Variants in ABCA1 observed in about 807,000 individuals in gnomAD.
ABCA1 encodes phospholipid-transporting ATPase ABCA1.
A neutral mutation model predicts 262.5 loss-of-function variants in ABCA1; 133 were observed. The ratio of observed to expected loss-of-function variants is 0.51; its 90% CI spans 0.44 to 0.59. ABCA1 has a LOEUF of 0.59. ABCA1 is among the 20% of genes least tolerant of loss of function. ABCA1 has a pLI of 0.00. For missense variants in ABCA1, 2,452 were observed against 2,777.5 expected (o/e 0.88, Z 2.63); for synonymous variants, 1,022 against 1,043.5 (o/e 0.98, Z 0.40).
chr9:104,896,709 A>ATTTTTTT (rs1564270342), intron 2 of ABCA1, among the ~76,000 whole-genome samples: 8 of 78,292 alleles, frequency 1.0e-4, no homozygotes, highest in African/African-American at 3.8e-4. Flanking sequence ...CTCCCTACAC[A>ATTTTTTT]TCTTTTTTTT....
Position 104,914,575 on chromosome 9 carries a change from A to C in ABCA1, c.-92-10804T>G, listed in dbSNP as rs574421123. 8.0e-4 allele frequency among the ~76,000 whole-genome samples: 121 copies of C among 151,952 alleles called. 1 individual carries two copies. Among genetic ancestry groups the C allele is most frequent in the African/African-American group, 2.7e-3 (112 of 41,452 alleles). ...TTCAGCTCTACCTACAATCTTCTCT[A>C]GTGTACTAACTCATCAGTGATCCCT... On this transcript the variant is annotated intron_variant, in intron 1 of 49. Coordinates refer to ENST00000374736, the MANE Select transcript of ABCA1 (RefSeq NM_005502.4).
chr9:104,809,591 T>C (rs1268111478), intron 29 of ABCA1, 27 bp from the exon 30 acceptor site: 1 of 1,580,252 alleles, frequency 6.3e-7, no homozygotes, highest in African/African-American at 1.3e-5. Context: ...GGCAGCCAGC[T>C]TAGTAATTCA....
At chr9:104,904,050 T>A (rs1420683207) in intron 1 of ABCA1, among the ~76,000 whole-genome samples, 1 of 152,206 alleles carries the variant, frequency 6.6e-6, no homozygotes, top group East Asian at 1.9e-4. Flanking sequence ...AAGAATGCAT[T>A]TCTGAAAATA....
intron 1 of ABCA1, among the ~76,000 whole-genome samples, chr9:104,926,473 A>C (rs552304157): frequency 5.6e-4 from 84 of 148,816 alleles, no homozygotes; most frequent in Middle Eastern, 6.8e-3. Flanking sequence ...AAAAAAACAA[A>C]AAAAAAAAAA....
intron 1 of ABCA1, among the ~76,000 whole-genome samples, chr9:104,917,354 G>A (rs1334499057): frequency 2.0e-5 from 3 of 152,182 alleles, no homozygotes; most frequent in Admixed American, 6.5e-5. Flanking sequence ...GATATTCAGA[G>A]GATTTTAGGA....
At chr9:104,867,187 AAG>A (rs1837171158) in intron 5 of ABCA1, among the ~76,000 whole-genome samples, 1 of 152,196 alleles carries the variant, frequency 6.6e-6, no homozygotes, top group South Asian at 2.1e-4. Context: ...AGCCCAGATC[AAG>A]AGGAGAGTCA....
intron 1 of ABCA1, among the ~76,000 whole-genome samples, chr9:104,927,293 T>C (rs1368305513): frequency 6.6e-6 from 1 of 151,788 alleles, no homozygotes; most frequent in South Asian, 2.1e-4. Flanking sequence ...GCACGGAGAC[T>C]GTAGGCAGGA....
chr9:104,830,819 C>T, intron 14 of ABCA1, 106 bp downstream of exon 14: 1 of 1,327,078 alleles, frequency 7.5e-7, no homozygotes, highest in African/African-American at 1.5e-5. Flanking sequence ...CATCTGGCAT[C>T]TTATTTCCAG....
chr9:104,908,562 G>A (rs1035034183), intron 1 of ABCA1, among the ~76,000 whole-genome samples: 1 of 152,164 alleles, frequency 6.6e-6, no homozygotes, highest in East Asian at 1.9e-4. Flanking sequence ...AGCTACTCAG[G>A]AGGCAGGAGA....
At chr9:104,837,761 G>A (rs1833953146) in intron 9 of ABCA1, among the ~76,000 whole-genome samples, 194 bp from the exon 10 acceptor site, 1 of 152,196 alleles carries the variant, frequency 6.6e-6, no homozygotes, top group Non-Finnish European at 1.5e-5. Flanking sequence ...GTGGAGAGAT[G>A]TGGAGAAGAT....
intron 5 of ABCA1, among the ~76,000 whole-genome samples, chr9:104,865,515 CAAAA>C (rs925876847): frequency 6.0e-5 from 4 of 66,954 alleles, no homozygotes; most frequent in Admixed American, 1.7e-4. Context: ...GACTCTGTCT[CAAAA>C]AAAAAAAAAA....
chr9:104,816,614 AATGGGAGG>A (rs1268478992), intron 24 of ABCA1, among the ~76,000 whole-genome samples: 14 of 108,312 alleles, frequency 1.3e-4, no homozygotes, highest in Non-Finnish European at 5.4e-5. Context: ...TGGATGGGTG[AATGGGAGG>A]ATGGGAGGAT....
At chr9:104,862,639 C>CG (rs1379099383) in intron 5 of ABCA1, among the ~76,000 whole-genome samples, 1 of 5,384 alleles carries the variant, frequency 1.9e-4, no homozygotes, top group Non-Finnish European at 4.6e-4. Context: ...ACTGCCGGGC[C>CG]GGGCCGGGCC....
chr9:104,837,117 A>G (rs1357985924), intron 10 of ABCA1, 21 bp from the exon 11 acceptor site: 1 of 1,582,756 alleles, frequency 6.3e-7, no homozygotes, highest in East Asian at 2.2e-5. Context: ...GTGGGGAGCC[A>G]GGGACCGCAG....
chr9:104,795,260 A>G (rs760939627), intron 39 of ABCA1, among the ~76,000 whole-genome samples: 1 of 152,206 alleles, frequency 6.6e-6, no homozygotes, highest in Non-Finnish European at 1.5e-5. Flanking sequence ...TGGTGGTTGG[A>G]GGCAACTCAT....
intron 5 of ABCA1, 118 bp downstream of exon 5, chr9:104,882,921 A>G: frequency 9.5e-7 from 1 of 1,057,344 alleles, no homozygotes; most frequent in Non-Finnish European, 1.5e-6. Flanking sequence ...GCCACCAAGG[A>G]GAAAAACCCC....
intron 25 of ABCA1, 80 bp downstream of exon 25, chr9:104,816,063 T>C (rs1367315353): frequency 7.5e-6 from 11 of 1,465,012 alleles, no homozygotes; most frequent in Non-Finnish European, 9.6e-6. Context: ...ATGATAATCC[T>C]GCTCCCAATG....
intron 1 of ABCA1, among the ~76,000 whole-genome samples, chr9:104,908,727 A>T (rs1328517842): frequency 6.6e-6 from 1 of 152,248 alleles, no homozygotes; most frequent in African/African-American, 2.4e-5. Flanking sequence ...CTACTGTTAC[A>T]TGCGACAACC....
At chr9:104,862,943 C>T (rs1836768414) in intron 5 of ABCA1, among the ~76,000 whole-genome samples, 1 of 151,266 alleles carries the variant, frequency 6.6e-6, no homozygotes, top group African/African-American at 2.4e-5. Context: ...CTCCAAAACC[C>T]AGGTCTGCCA....
Sources: gnomAD v4.1 joint callset for allele counts (sites outside exome capture counted in the v4.1 genomes callset) on GRCh38, gnomAD v4.1.1 for gene constraint, MANE v1.5 for transcripts, NCBI Gene and HGNC (gene_info 2026-07-23, HGNC 2026-07-21) for gene names.